Variants in LINGO2 observed in about 807,000 individuals in gnomAD.
LINGO2 encodes leucine rich repeat and Ig domain containing 2, also known as leucine-rich repeat and immunoglobulin-like domain-containing nogo receptor-interacting protein 2.
LINGO2 carries 14 observed loss-of-function variants against 30.6 expected under a neutral mutation model. The ratio of observed to expected loss-of-function variants is 0.46; its 90% CI spans 0.30 to 0.72. The LOEUF is 0.72. LINGO2 is among the 30% of genes least tolerant of loss of function. The pLI is 0.07. For missense variants in LINGO2, 729 were observed against 751.7 expected (o/e 0.97, Z 0.35); for synonymous variants, 317 against 288.5 (o/e 1.10, Z -1.00).
intron 1 of LINGO2, among the ~76,000 whole-genome samples, chr9:28,618,662 C>G (rs1826247786): frequency 6.6e-6 from 1 of 152,168 alleles, no homozygotes; most frequent in Non-Finnish European, 1.5e-5. Context: ...CCATTATGAT[C>G]TAGCTCCTTT....
intron 1 of LINGO2, among the ~76,000 whole-genome samples, chr9:28,498,090 G>T (rs1414043744): frequency 6.6e-6 from 1 of 152,162 alleles, no homozygotes; most frequent in African/African-American, 2.4e-5. Flanking sequence ...CTCCCAGTTA[G>T]GTTACTTGGG....
chr9:28,384,859 A>C (rs112636866), intron 2 of LINGO2, among the ~76,000 whole-genome samples: 5,823 of 152,042 alleles, frequency 0.038, 133 homozygotes, highest in Middle Eastern at 0.048. Context: ...TTTCAACAAC[A>C]GTTAGCCAGA....
chr9:29,001,512 T>G, the LINGO2 span, among the ~76,000 whole-genome samples: 1 of 151,960 alleles, frequency 6.6e-6, no homozygotes, highest in East Asian at 1.9e-4. Context: ...CAATATGAGA[T>G]TTAATATTTC....
the LINGO2 span, among the ~76,000 whole-genome samples, chr9:29,077,456 A>G: frequency 1.8e-4 from 27 of 152,176 alleles, 1 homozygote; most frequent in Non-Finnish European, 2.9e-4. Flanking sequence ...ACAATAGGCT[A>G]TAAGACAGCA....
intron 4 of LINGO2, among the ~76,000 whole-genome samples, chr9:28,142,566 A>G (rs1011882107): frequency 6.6e-6 from 1 of 152,218 alleles, no homozygotes; most frequent in Non-Finnish European, 1.5e-5. Context: ...TTACCTCATT[A>G]ATTGTATTTA....
chr9:29,055,940 G>GTATATATATATATGTGTATATATA, the LINGO2 span, among the ~76,000 whole-genome samples: 1,996 of 118,726 alleles, frequency 0.017, 83 homozygotes, highest in Non-Finnish European at 0.029. Context: ...ATGTGTGTGT[G>GTATATATATATATGTGTATATATA]TATATATACA....
intron 1 of LINGO2, among the ~76,000 whole-genome samples, chr9:28,554,272 C>A (rs1474767579): frequency 1.3e-5 from 2 of 151,090 alleles, no homozygotes; most frequent in Non-Finnish European, 2.9e-5. Context: ...TGCAGAGACA[C>A]ACATAGGCTC....
chr9:29,170,467 T>A, the LINGO2 span, among the ~76,000 whole-genome samples: 4 of 152,048 alleles, frequency 2.6e-5, no homozygotes, highest in African/African-American at 9.7e-5. Context: ...GGAAGAAAGA[T>A]GAAAATCTAC....
At chr9:28,271,978 C>T (rs560642155) in intron 4 of LINGO2, among the ~76,000 whole-genome samples, 3 of 152,288 alleles carry the variant, frequency 2.0e-5, no homozygotes, top group Admixed American at 6.5e-5. Context: ...AACACCTCAT[C>T]GGAATCTGTT....
the LINGO2 span, among the ~76,000 whole-genome samples, chr9:28,835,517 A>G: frequency 6.6e-6 from 1 of 152,222 alleles, no homozygotes; most frequent in Non-Finnish European, 1.5e-5. Flanking sequence ...AACACTTTAG[A>G]AACCCATTTG....
chr9:28,944,844 T>C, the LINGO2 span, among the ~76,000 whole-genome samples: 20 of 152,160 alleles, frequency 1.3e-4, no homozygotes, highest in African/African-American at 4.3e-4. Context: ...AAAACAAGAA[T>C]GTTTTTTACC....
At chr9:28,643,988 A>G (rs1588015694) in intron 1 of LINGO2, among the ~76,000 whole-genome samples, 1 of 152,098 alleles carries the variant, frequency 6.6e-6, no homozygotes, top group African/African-American at 2.4e-5. Flanking sequence ...ATAAGATAGC[A>G]TCTCAACCCA....
chr9:29,091,126 T>C, the LINGO2 span, among the ~76,000 whole-genome samples: 1 of 152,112 alleles, frequency 6.6e-6, no homozygotes, highest in African/African-American at 2.4e-5. Flanking sequence ...GGTTGAAATT[T>C]AGACTCCTGA....
the LINGO2 span, among the ~76,000 whole-genome samples, chr9:29,007,610 G>A: frequency 2.0e-5 from 3 of 151,986 alleles, no homozygotes; most frequent in African/African-American, 7.2e-5. Flanking sequence ...CACAAATACA[G>A]GAATATGAAC....
intron 4 of LINGO2, among the ~76,000 whole-genome samples, chr9:28,165,481 A>T (rs944893561): frequency 1.3e-5 from 2 of 152,218 alleles, no homozygotes; most frequent in African/African-American, 4.8e-5. Flanking sequence ...ACCATATAGT[A>T]ACTTAACAGA....
intron 2 of LINGO2, among the ~76,000 whole-genome samples, chr9:28,374,202 G>GA (rs1564158462): frequency 2.4e-5 from 3 of 124,198 alleles, no homozygotes; most frequent in Non-Finnish European, 5.3e-5. Context: ...TTAAAAATAT[G>GA]TTTTTATTTA....
intron 3 of LINGO2, among the ~76,000 whole-genome samples, chr9:28,320,284 T>G (rs1217920748): frequency 1.3e-5 from 2 of 152,162 alleles, no homozygotes; most frequent in African/African-American, 2.4e-5. Flanking sequence ...AATTCATGTC[T>G]CTAAGCTCCA....
At chr9:28,146,521 G>T (rs1440304979) in intron 4 of LINGO2, among the ~76,000 whole-genome samples, 1 of 151,582 alleles carries the variant, frequency 6.6e-6, no homozygotes, top group Non-Finnish European at 1.5e-5. Context: ...CGATTTTTTA[G>T]AAAAACATAA....
chr9:28,874,852 A>G, the LINGO2 span, among the ~76,000 whole-genome samples: 3 of 152,102 alleles, frequency 2.0e-5, no homozygotes, highest in African/African-American at 7.2e-5. Context: ...AACTTTATTC[A>G]TTTAGTTGTG....
Sources: allele counts gnomAD v4.1 joint callset (sites outside exome capture counted in the v4.1 genomes callset), GRCh38; gene constraint gnomAD v4.1.1; transcripts MANE v1.5; gene names NCBI Gene and HGNC (gene_info 2026-07-23, HGNC 2026-07-21).